The following FGF13 variants were observed in gnomAD, a reference collection of about 807,000 sequenced individuals.
FGF13 encodes fibroblast growth factor homologous factor 2.
A neutral mutation model predicts 19.5 loss-of-function variants in FGF13; 2 were observed. The ratio of observed to expected loss-of-function variants is 0.10; its 90% CI spans 0.04 to 0.32. The LOEUF (loss-of-function observed/expected upper bound fraction) is 0.32. Among genes scored for constraint, FGF13 ranks in the 10% least tolerant of loss-of-function variants. The probability of loss-of-function intolerance (pLI) is 1.00; values close to 1 mark genes in which losing one functional copy is unlikely to be tolerated. For synonymous variants in FGF13, 72 were observed against 76.9 expected (o/e 0.94, Z 0.33); for missense variants, 113 against 192.7 (o/e 0.59, Z 2.45).
intron 3 of FGF13, among the ~76,000 whole-genome samples, chrX:138,654,744 AATAC>A (rs61363120): frequency 0.032 from 3,329 of 105,055 alleles, 118 homozygotes; most frequent in African/African-American, 0.11. Flanking sequence ...CCGGCTCAAA[AATAC>A]ATACATACAT....
At chrX:139,105,977 T>G (rs2083556861) in intron 1 of FGF13, among the ~76,000 whole-genome samples, 1 of 112,199 alleles carries the variant, frequency 8.9e-6, no homozygotes, top group Middle Eastern at 4.2e-3. Context: ...TGTAAAAACA[T>G]ATGGTATGCT....
intron 1 of FGF13, among the ~76,000 whole-genome samples, chrX:139,076,135 T>C (rs1256312456): frequency 1.8e-5 from 2 of 111,587 alleles, no homozygotes; most frequent in East Asian, 5.6e-4. Context: ...ATTTAGAGCC[T>C]CCATGCATGA....
intron 1 of FGF13, among the ~76,000 whole-genome samples, chrX:138,950,754 A>C (rs1359203778): frequency 9.0e-6 from 1 of 111,539 alleles, no homozygotes; most frequent in Non-Finnish European, 1.9e-5. Flanking sequence ...TATTAGTATT[A>C]CTCAAAATAA....
At chrX:138,779,884 G>T (rs1294184599) in intron 3 of FGF13, among the ~76,000 whole-genome samples, 3 of 106,298 alleles carry the variant, frequency 2.8e-5, no homozygotes, top group Non-Finnish European at 1.9e-5. Flanking sequence ...AAGTTGAAAT[G>T]AAGGAAAAAA....
intron 1 of FGF13, among the ~76,000 whole-genome samples, chrX:139,037,571 AT>A (rs1445595300): frequency 1.8e-5 from 2 of 111,504 alleles, no homozygotes; most frequent in Non-Finnish European, 1.9e-5. Flanking sequence ...CTAGGGGAGA[AT>A]CTATTTTCTC....
At chrX:138,851,578 A>T (rs941459940) in intron 3 of FGF13, among the ~76,000 whole-genome samples, 2 of 111,691 alleles carry the variant, frequency 1.8e-5, no homozygotes, top group Admixed American at 1.9e-4. Context: ...CAAAATAATA[A>T]GAGCCATTTA....
intron 3 of FGF13, among the ~76,000 whole-genome samples, chrX:138,850,772 G>A (rs2091216178): frequency 8.9e-6 from 1 of 112,370 alleles, no homozygotes; most frequent in South Asian, 3.7e-4. Context: ...TGTGGGATGT[G>A]CAAGTTTGTT....
chrX:139,134,373 G>T (rs2148235189), intron 1 of FGF13, among the ~76,000 whole-genome samples: 1 of 111,705 alleles, frequency 9.0e-6, no homozygotes, highest in East Asian at 2.8e-4. Context: ...ATTATTCTCA[G>T]AAGAAATCAG....
intron 1 of FGF13, among the ~76,000 whole-genome samples, chrX:139,076,224 A>G: frequency 9.0e-6 from 1 of 111,373 alleles, no homozygotes; most frequent in Non-Finnish European, 1.9e-5. Flanking sequence ...CTAACACTGA[A>G]GTACTCTGTA....
At chrX:138,989,150 A>G (rs999452901) in intron 1 of FGF13, among the ~76,000 whole-genome samples, 1 of 111,735 alleles carries the variant, frequency 8.9e-6, no homozygotes, top group African/African-American at 3.2e-5. Context: ...AAACTAAGAG[A>G]GAAACGGCAT....
chrX:138,986,257 G>C (rs1249967957), intron 1 of FGF13, among the ~76,000 whole-genome samples: 1 of 112,006 alleles, frequency 8.9e-6, no homozygotes, highest in Non-Finnish European at 1.9e-5. Context: ...AAGAGCAATG[G>C]AGTTCAGCTC....
chrX:138,749,786 G>T (rs2090384508), intron 3 of FGF13, among the ~76,000 whole-genome samples: 1 of 111,693 alleles, frequency 9.0e-6, no homozygotes, highest in African/African-American at 3.3e-5. Flanking sequence ...TAAAACGATG[G>T]AAGGTGTTAG....
chrX:138,975,708 G>T (rs2091937033), intron 1 of FGF13, among the ~76,000 whole-genome samples: 1 of 111,609 alleles, frequency 9.0e-6, no homozygotes, highest in South Asian at 3.8e-4. Context: ...GCAAAAAAGT[G>T]TGGGGAATGA....
At chrX:138,672,890 A>G (rs1376229195) in intron 3 of FGF13, among the ~76,000 whole-genome samples, 1 of 111,767 alleles carries the variant, frequency 8.9e-6, no homozygotes, top group Non-Finnish European at 1.9e-5. Flanking sequence ...AAGCTAAGCG[A>G]GTGTGGTGTC....
chrX:139,145,703 T>G (rs2083882668), intron 1 of FGF13, among the ~76,000 whole-genome samples: 1 of 110,417 alleles, frequency 9.1e-6, no homozygotes, highest in South Asian at 3.9e-4. Flanking sequence ...TTCCCTCCTC[T>G]CCAACTGGAT....
intron 1 of FGF13, among the ~76,000 whole-genome samples, chrX:139,197,750 G>C (rs1446001447): frequency 9.0e-6 from 1 of 111,404 alleles, no homozygotes; most frequent in Non-Finnish European, 1.9e-5. Flanking sequence ...CCAGCACTTT[G>C]GGAGGCCGAG....
intron 1 of FGF13, among the ~76,000 whole-genome samples, chrX:138,942,841 T>C (rs774520542): frequency 9.0e-6 from 1 of 111,694 alleles, no homozygotes; most frequent in South Asian, 3.7e-4. Flanking sequence ...TCTTCAAGTA[T>C]CTTGTTGTTT....
chrX:138,971,117 C>A (rs1177110472), intron 1 of FGF13, among the ~76,000 whole-genome samples: 3 of 111,431 alleles, frequency 2.7e-5, no homozygotes, highest in South Asian at 7.7e-4. Context: ...CCAAGGGTTC[C>A]CTGGTGAGAA....
rs2092317759 is a variant in FGF13 at position 139,055,330 on chromosome X, TG to T, written c.-113+148085del. ...TGTAGTCATTGCTTTGATTGTACTT[TG>T]TCTTCAAGATTGTACTGGTCAAGCC... On this transcript the variant is annotated intron_variant, in intron 1 of 2. Coordinates refer to the FGF13 transcript ENST00000421460. Among the ~76,000 whole-genome samples the T allele has an allele frequency of 2.7e-5, 3 of 112,092 alleles. No individual in the cohort carries two copies. In the South Asian group the frequency reaches 1.1e-3, roughly 42 times the overall value.
Sources: allele counts gnomAD v4.1 joint callset (sites outside exome capture counted in the v4.1 genomes callset), GRCh38; gene constraint gnomAD v4.1.1; transcripts MANE v1.5; gene names NCBI Gene and HGNC (gene_info 2026-07-23, HGNC 2026-07-21).